The following FANCC variants were observed in gnomAD, a reference collection of about 807,000 sequenced individuals.
FANCC encodes the protein FA complementation group C.
FANCC carries 55 observed loss-of-function variants against 71.3 expected under a neutral mutation model. The ratio of observed to expected loss-of-function variants is 0.77; its 90% CI spans 0.62 to 0.97. The LOEUF (loss-of-function observed/expected upper bound fraction) is 0.97. Ranked by LOEUF, FANCC falls within the 50% of genes least tolerant of loss-of-function variation. The pLI, the probability that FANCC is intolerant of heterozygous loss-of-function variation, is 0.00. For synonymous variants in FANCC, 275 were observed against 244.9 expected (o/e 1.12, Z -1.15); for missense variants, 678 against 670.9 (o/e 1.01, Z -0.12).
intron 1 of FANCC, among the ~76,000 whole-genome samples, chr9:95,278,782 T>C (rs1052068822): frequency 8.3e-4 from 9 of 10,860 alleles, no homozygotes; most frequent in South Asian, 2.7e-3. Context: ...AACATTTCTA[T>C]ATATCACGGT....
chr9:95,282,398 T>A (rs1324708905), intron 1 of FANCC, among the ~76,000 whole-genome samples: 1 of 152,142 alleles, frequency 6.6e-6, no homozygotes, highest in Non-Finnish European at 1.5e-5. Flanking sequence ...TGGGTAAATG[T>A]ATATGCACCC....
intron 1 of FANCC, among the ~76,000 whole-genome samples, chr9:95,301,421 G>GT (rs896378536): frequency 8.6e-5 from 13 of 151,500 alleles, no homozygotes; most frequent in Admixed American, 3.3e-4. Flanking sequence ...GGGGTTTTTT[G>GT]TTTTTTTTGG....
At chr9:95,207,629 C>T (rs535828124) in intron 4 of FANCC, among the ~76,000 whole-genome samples, 1 of 152,226 alleles carries the variant, frequency 6.6e-6, no homozygotes, top group South Asian at 2.1e-4. Flanking sequence ...CCGGGTGGCT[C>T]CACTACTCTG....
In FANCC at chr9:95,301,860, G is replaced by A. The variant is rs550090812; in HGVS notation, c.-79+15666C>T. On this transcript the variant is annotated intron_variant, in intron 1 of 14. Coordinates refer to ENST00000289081, the MANE Select transcript of FANCC (RefSeq NM_000136.3). ...TGGGAGGCCGAGGCAGGTGAATCAC[G>A]AGGTCAGGAGATCCAGACCATCCTG... Among the ~76,000 whole-genome samples the A allele has an allele frequency of 5.4e-5, 8 of 147,648 alleles. No homozygotes were observed. In the East Asian group the frequency reaches 1.4e-3, roughly 26 times the overall value.
chr9:95,104,470 G>A (rs867308072), intron 14 of FANCC, among the ~76,000 whole-genome samples: 1 of 152,144 alleles, frequency 6.6e-6, no homozygotes, highest in Admixed American at 6.5e-5. Context: ...GAGGGTTCCC[G>A]TGTGGATCCG....
At chr9:95,224,319 C>T (rs190372155) in intron 4 of FANCC, among the ~76,000 whole-genome samples, 1 of 152,244 alleles carries the variant, frequency 6.6e-6, no homozygotes, top group Admixed American at 6.5e-5. Flanking sequence ...AGTGGCTTTA[C>T]GGACACATCT....
At chr9:95,257,938 G>C (rs1831776519) in intron 1 of FANCC, among the ~76,000 whole-genome samples, 1 of 152,122 alleles carries the variant, frequency 6.6e-6, no homozygotes, top group African/African-American at 2.4e-5. Context: ...AGAAGAAATG[G>C]ATAAATTCCT....
intron 7 of FANCC, among the ~76,000 whole-genome samples, chr9:95,139,838 A>ATATATATATATAAATATATATATTTT (rs1564685138): frequency 6.1e-5 from 9 of 146,994 alleles, no homozygotes; most frequent in African/African-American, 2.2e-4. Flanking sequence ...ATATATTTAT[A>ATATATATATATAAATATATATATTTT]TATATATATA....
intron 1 of FANCC, among the ~76,000 whole-genome samples, chr9:95,299,500 T>C (rs1834591534): frequency 6.6e-6 from 1 of 152,326 alleles, no homozygotes; most frequent in Admixed American, 6.5e-5. Flanking sequence ...AGCCCCAGAA[T>C]AGGTTTTATC....
At chr9:95,194,309 C>T (rs1271452729) in intron 4 of FANCC, among the ~76,000 whole-genome samples, 1 of 152,054 alleles carries the variant, frequency 6.6e-6, no homozygotes. Context: ...TAATGGATTC[C>T]TCCACCCCCA....
rs1456516153 is a variant in FANCC at position 95,249,109 on chromosome 9, T to G, written c.165+18A>C. 5 of 1,613,060 alleles carry G rather than the reference T, an allele frequency of 3.1e-6. No homozygotes were observed. The highest frequency in any genetic ancestry group is 4.2e-6 in the Non-Finnish European group (5 of 1,179,480). ...CTGAAGTCAGAAAATAATTTCATTA[T>G]TCTGGTCCACTACTTACCATCTCTT... On this transcript the variant is annotated intron_variant, in intron 2 of 14. Coordinates refer to ENST00000289081, the MANE Select transcript of FANCC (RefSeq NM_000136.3).
chr9:95,294,596 C>T (rs1834262776), intron 1 of FANCC: 5 of 1,547,984 alleles, frequency 3.2e-6, no homozygotes, highest in Non-Finnish European at 3.6e-6. Flanking sequence ...GATATACCTG[C>T]TCTAGAAAGC....
intron 7 of FANCC, among the ~76,000 whole-genome samples, chr9:95,141,215 G>T (rs185270913): frequency 6.8e-6 from 1 of 147,544 alleles, no homozygotes; most frequent in African/African-American, 2.5e-5. Context: ...GGGAGGCTGA[G>T]GTCAAAGAAT....
chr9:95,292,356 G>A, intron 1 of FANCC: 1 of 963,098 alleles, frequency 1.0e-6, no homozygotes, highest in Non-Finnish European at 1.2e-6. Flanking sequence ...CTCGGAGGCG[G>A]TGGCGGCGGC....
chr9:95,227,243 T>C (rs1829676449), intron 4 of FANCC, among the ~76,000 whole-genome samples: 1 of 152,168 alleles, frequency 6.6e-6, no homozygotes, highest in Admixed American at 6.5e-5. Flanking sequence ...TTCCTTTGTC[T>C]TTCCAACTTG....
intron 6 of FANCC, among the ~76,000 whole-genome samples, chr9:95,159,388 T>C (rs893683164): frequency 6.6e-6 from 1 of 152,244 alleles, no homozygotes; most frequent in African/African-American, 2.4e-5. Context: ...CTGCATAGCA[T>C]TCCATGGTGT....
chr9:95,222,162 C>CA (rs60764731), intron 4 of FANCC, among the ~76,000 whole-genome samples: 3,246 of 70,046 alleles, frequency 0.046, 65 homozygotes, highest in Non-Finnish European at 0.057. Flanking sequence ...GGCCCCATCT[C>CA]AAAAAAAAAA....
chr9:95,221,473 T>C (rs780094506), intron 4 of FANCC, among the ~76,000 whole-genome samples: 1 of 151,972 alleles, frequency 6.6e-6, no homozygotes, highest in Non-Finnish European at 1.5e-5. Context: ...TGAATTATAA[T>C]AGAAAAAAAT....
At chr9:95,143,364 T>G (rs1029392263) in intron 7 of FANCC, among the ~76,000 whole-genome samples, 1 of 152,132 alleles carries the variant, frequency 6.6e-6, no homozygotes, top group Non-Finnish European at 1.5e-5. Context: ...CGCTGGCCAG[T>G]AGTGATCAGG....
Sources: gnomAD v4.1 joint callset for allele counts (sites outside exome capture counted in the v4.1 genomes callset) on GRCh38, gnomAD v4.1.1 for gene constraint, MANE v1.5 for transcripts, NCBI Gene and HGNC (gene_info 2026-07-23, HGNC 2026-07-21) for gene names.